The following HECA variants were observed in gnomAD, a reference collection of about 807,000 sequenced individuals.
The protein encoded by HECA is HECA ribonucleoprotein granule regulator, also known as headcase protein homolog.
Under a neutral mutation model 37.6 loss-of-function variants are expected in HECA, and 13 were observed. The observed-to-expected ratio is 0.35, with a 90% CI of 0.23 to 0.55. The LOEUF is 0.55. Among genes scored for constraint, HECA ranks in the 20% least tolerant of loss-of-function variants. The probability of loss-of-function intolerance (pLI) is 0.90; values close to 1 mark genes in which losing one functional copy is unlikely to be tolerated. For synonymous variants in HECA, 307 were observed against 291.5 expected (o/e 1.05, Z -0.54); for missense variants, 527 against 701.9 (o/e 0.75, Z 2.82).
At chr6:139,140,314 A>G (rs1774498318) in intron 1 of HECA, among the ~76,000 whole-genome samples, 1 of 152,214 alleles carries the variant, frequency 6.6e-6, no homozygotes, top group African/African-American at 2.4e-5. Context: ...CTTAGAAAAC[A>G]TTTTCTTGCC....
At position 139,180,021 on chromosome 6, in the gene HECA, C is replaced by T. The variant is rs547567320; in HGVS notation, c.*2916C>T. Reference sequence around the variant, plus strand: ...ATTGTTTTCTCTTCAGGCCATCTCACCTCTTCATTCTCTTGTTACATTTGA... The same window carrying T: ...ATTGTTTTCTCTTCAGGCCATCTCATCTCTTCATTCTCTTGTTACATTTGA... On this transcript the variant is annotated 3_prime_UTR_variant, in exon 4 of 4. Transcript: ENST00000367658. 1 of 152,198 alleles carries T rather than the reference C, an allele frequency of 6.6e-6. No homozygotes were observed. Among genetic ancestry groups the T allele is most frequent in the Non-Finnish European group, 1.5e-5 (1 of 68,030 alleles). 9.4% of individuals were successfully genotyped at this position (152,198 alleles called of 1,614,324 possible). A position where few individuals can be genotyped will look rare whatever the true frequency, so the allele number is the denominator to read the frequency against.
intron 1 of HECA, chr6:139,155,787 A>G (rs543260268): frequency 1.3e-5 from 2 of 152,312 alleles, no homozygotes; most frequent in African/African-American, 2.4e-5. Context: ...GCAGCCTGCT[A>G]ATTTCTTTTC....
rs533573779 is a variant in HECA, at chr6:139,178,328, A to T, written c.*1223A>T. On this transcript the variant is annotated 3_prime_UTR_variant, in exon 4 of 4. Transcript: ENST00000367658. Reference sequence around the variant, plus strand: ...TGGTTCAGTAGATTTTAATGCTTTAAATAGACTGACGTCGCATACCCTTAT... The same window carrying T: ...TGGTTCAGTAGATTTTAATGCTTTATATAGACTGACGTCGCATACCCTTAT... 8 of 152,288 alleles carry T rather than the reference A, an allele frequency of 5.3e-5. No homozygotes were observed. Among genetic ancestry groups the T allele is most frequent in the African/African-American group, 1.9e-4 (8 of 41,564 alleles). 9.4% of individuals were successfully genotyped at this position (152,288 alleles called of 1,614,324 possible). A position where few individuals can be genotyped will look rare whatever the true frequency, so the allele number is the denominator to read the frequency against.
Position 139,135,613 on chromosome 6 carries a change from G to C in HECA, c.217G>C (p.Ala73Pro), listed in dbSNP as rs1221815268. The C allele has an allele frequency of 2.1e-6, 2 of 964,624 alleles. No homozygotes were observed. Among genetic ancestry groups the C allele is most frequent in the Non-Finnish European group, 2.5e-6 (2 of 814,712 alleles). 59.8% of individuals were successfully genotyped at this position (964,624 alleles called of 1,614,324 possible). The change falls in exon 1 of 4, where the codon GCC (alanine) becomes CCC (proline). Residue 73 changes from alanine to proline, a missense_variant. This residue lies in a region of HECA where 172 missense variants were observed against 197.6 expected (regional missense o/e 0.87). Transcript: ENST00000367658. Reference protein sequence around the residue: ...AAGAGGAGTGAANAAAAAGAA... With the variant: ...AAGAGGAGTGPANAAAAAGAA... ...GGGCGCCGGAGGCGCGGGGACTGGC[G>C]CCGCGAACGCTGCGGCCGCCGCGGG...
At position 139,176,184 on chromosome 6, in the gene HECA, C is replaced by G. The variant is rs924326588; in HGVS notation, c.1468-757C>G. 2.6e-5 allele frequency among the ~76,000 whole-genome samples: 4 copies of G among 152,318 alleles called. No homozygotes were observed. In the South Asian group the frequency reaches 8.3e-4, roughly 32 times the overall value. On this transcript the variant is annotated intron_variant, in intron 3 of 3. Transcript: ENST00000367658. The surrounding 1 kb of genome is among the most constrained non-coding windows in gnomAD (Gnocchi z 4.5). ...TGAGGATCAGCAGGCTGCTTTGGTT[C>G]ACTCCAGCCTTGCTGCTTTCTAACC...
intron 2 of HECA, among the ~76,000 whole-genome samples, chr6:139,169,166 C>A (rs1774935523): frequency 6.6e-6 from 1 of 152,044 alleles, no homozygotes; most frequent in South Asian, 2.1e-4. Context: ...ATTTCCGCTA[C>A]CCTATTTTCA....
rs140035589 is a variant in HECA at position 139,143,708 on chromosome 6, A to G, written c.271+8041A>G. Among the ~76,000 whole-genome samples the G allele has an allele frequency of 2.6e-5, 4 of 152,210 alleles. No homozygotes were observed. In the East Asian group the frequency reaches 7.7e-4, roughly 29 times the overall value. On this transcript the variant is annotated intron_variant, in intron 1 of 3. Transcript: ENST00000367658. ...AAACCCCATCTCTACTAAGAATAGAATAATTAGCTGGATGTGGTGGCACGT... is the reference window on the plus strand; with the variant it reads ...AAACCCCATCTCTACTAAGAATAGAGTAATTAGCTGGATGTGGTGGCACGT...
intron 1 of HECA, among the ~76,000 whole-genome samples, chr6:139,162,606 C>T (rs1774821527): frequency 6.6e-6 from 1 of 152,200 alleles, no homozygotes; most frequent in South Asian, 2.1e-4. Context: ...AATATTAATA[C>T]ATAGAGGTAG....
intron 1 of HECA, among the ~76,000 whole-genome samples, chr6:139,165,760 ATGTTT>A (rs1774874728): frequency 6.6e-6 from 1 of 151,052 alleles, no homozygotes; most frequent in African/African-American, 2.4e-5. Flanking sequence ...TTCTGTCACC[ATGTTT>A]TCTGTCCTTT....
chr6:139,175,062 T>C (rs1406554335), intron 3 of HECA, among the ~76,000 whole-genome samples: 1 of 152,180 alleles, frequency 6.6e-6, no homozygotes, highest in African/African-American at 2.4e-5. Context: ...TGTAAGGTGT[T>C]TGAGGTTGTA....
chr6:139,141,756 T>TTC (rs1774515628), intron 1 of HECA, among the ~76,000 whole-genome samples: 3 of 18,124 alleles, frequency 1.7e-4, no homozygotes, highest in South Asian at 2.5e-3. Flanking sequence ...ACACCTTCTT[T>TTC]TTTTTTTTTT....
intron 1 of HECA, among the ~76,000 whole-genome samples, chr6:139,136,012 C>A (rs1366406933): frequency 6.6e-6 from 1 of 151,866 alleles, no homozygotes; most frequent in Admixed American, 6.6e-5. Flanking sequence ...AGGAAAGAGC[C>A]GCCCAAGTTG....
intron 2 of HECA, 117 bp downstream of exon 2, chr6:139,167,441 G>T: frequency 1.2e-6 from 1 of 841,972 alleles, no homozygotes; most frequent in East Asian, 2.6e-5. Context: ...GTTCTAGTCA[G>T]GTGCTAGGTA....
At chr6:139,171,836 GTTT>G (rs899592230) in intron 2 of HECA, among the ~76,000 whole-genome samples, 3 of 141,608 alleles carry the variant, frequency 2.1e-5, no homozygotes, top group African/African-American at 7.7e-5. Context: ...TTGTTGTTGT[GTTT>G]TTTTTTTTTG....
intron 2 of HECA, among the ~76,000 whole-genome samples, chr6:139,169,413 C>G (rs143384694): frequency 5.8e-4 from 88 of 152,146 alleles, no homozygotes; most frequent in African/African-American, 2.0e-3. Flanking sequence ...TCCAGGAGCT[C>G]TTTTTAATAG....
intron 1 of HECA, among the ~76,000 whole-genome samples, chr6:139,147,544 G>C (rs1213322060): frequency 2.0e-4 from 30 of 152,184 alleles, no homozygotes. Flanking sequence ...AGGATCGCTT[G>C]AGCCCAGGAG....
At chr6:139,154,269 T>C (rs1774686701) in intron 1 of HECA, among the ~76,000 whole-genome samples, 1 of 152,210 alleles carries the variant, frequency 6.6e-6, no homozygotes, top group Non-Finnish European at 1.5e-5. Flanking sequence ...GTCAAATCCA[T>C]GGATGTGGAA....
chr6:139,156,714 C>T (rs1015461856), intron 1 of HECA, among the ~76,000 whole-genome samples: 5 of 152,186 alleles, frequency 3.3e-5, no homozygotes, highest in South Asian at 2.1e-4. Flanking sequence ...AGCACAATGA[C>T]GGCACGTGTC....
intron 1 of HECA, among the ~76,000 whole-genome samples, chr6:139,152,787 A>G (rs556949753): frequency 1.2e-4 from 18 of 152,352 alleles, no homozygotes; most frequent in African/African-American, 4.1e-4. Flanking sequence ...GGAAATTTAT[A>G]TTAAAACCTT....
Sources: allele counts gnomAD v4.1 joint callset (sites outside exome capture counted in the v4.1 genomes callset), GRCh38; gene constraint gnomAD v4.1.1; regional missense constraint gnomAD v4.1.1; non-coding constraint Gnocchi (gnomAD v3.1); transcripts MANE v1.5; gene names NCBI Gene and HGNC (gene_info 2026-07-23, HGNC 2026-07-21).